Variants in FBXW11 observed in about 807,000 individuals in gnomAD.
FBXW11 encodes F-box/WD repeat-containing protein 11.
In FBXW11, 19 loss-of-function variants were observed where a neutral mutation model predicts 77.6. The ratio of observed to expected loss-of-function variants is 0.24; its 90% CI spans 0.17 to 0.36. FBXW11 has a LOEUF of 0.36. Ranked by LOEUF, FBXW11 falls within the 10% of genes least tolerant of loss-of-function variation. The pLI is 1.00. For missense variants in FBXW11, 334 were observed against 704.2 expected (o/e 0.47, Z 5.95); for synonymous variants, 235 against 249.4 (o/e 0.94, Z 0.54).
rs34663550 is a variant in FBXW11, at chr5:171,882,707, C to CTT, written c.853-4580_853-4579dup. On this transcript the variant is annotated intron_variant, in intron 7 of 13. Coordinates refer to ENST00000517395, the MANE Select transcript of FBXW11 (RefSeq NM_001378974.1). ...AAGTATTTAGGAATTTTTCCAGCTT[C>CTT]TTTTTTTTACTGATTTCTAGTTTAT... 6.3e-4 allele frequency among the ~76,000 whole-genome samples: 96 copies of CTT among 151,826 alleles called. 1 individual carries two copies. The highest frequency in any genetic ancestry group is 1.0e-3 in the South Asian group (5 of 4,800).
Position 171,872,856 on chromosome 5 carries a change from A to T in FBXW11, c.1340+16T>A, listed in dbSNP as rs1757841568. ...AAAAATCAGCCTGCTCTGTCAGCAC[A>T]CCAACTTCTACCCACCTAATGGTAT... On this transcript the variant is annotated intron_variant, in intron 10 of 13. Transcript: ENST00000517395. 2 of 1,595,614 alleles carry T rather than the reference A, an allele frequency of 1.3e-6. No homozygotes were observed. Among genetic ancestry groups the T allele is most frequent in the Admixed American group, 3.3e-5 (2 of 59,782 alleles).
At chr5:171,920,824 C>T (rs1351918252) in intron 2 of FBXW11, among the ~76,000 whole-genome samples, 2 of 152,162 alleles carry the variant, frequency 1.3e-5, no homozygotes, top group African/African-American at 4.8e-5. Flanking sequence ...TTTTCATGAA[C>T]ATGGCGACCC....
At chr5:171,916,620 TTTAAAGCAAGC>T (rs1761271204) in intron 2 of FBXW11, among the ~76,000 whole-genome samples, 1 of 152,004 alleles carries the variant, frequency 6.6e-6, no homozygotes, top group Non-Finnish European at 1.5e-5. Flanking sequence ...GACCTAAGAG[TTTAAAGCAAGC>T]AGGTTTCCTC....
intron 1 of FBXW11, among the ~76,000 whole-genome samples, chr5:171,964,884 T>TA (rs1764102039): frequency 6.6e-6 from 1 of 152,240 alleles, no homozygotes; most frequent in Admixed American, 6.5e-5. Flanking sequence ...AATTTGATAG[T>TA]AAACATGTGA....
chr5:171,988,062 TA>T (rs1765539342), intron 1 of FBXW11, among the ~76,000 whole-genome samples: 1 of 152,130 alleles, frequency 6.6e-6, no homozygotes, highest in Non-Finnish European at 1.5e-5. Context: ...TTTGGAAAAT[TA>T]AAAGGCTAAC....
At position 171,930,151 on chromosome 5, in the gene FBXW11, C is replaced by T. The variant is rs536056133; in HGVS notation, c.148-15746G>A. Among the ~76,000 whole-genome samples the T allele has an allele frequency of 3.9e-5, 6 of 152,254 alleles. No homozygotes were observed. The South Asian group carries it at 6.2e-4, about 16-fold the overall frequency. The stretch of plus-strand genomic sequence containing the variant: ...ATTATGTATGAAAATACTTAAAAAG[C>T]GTCCTGCTAGTTCAGAGTTGATTAC... On this transcript the variant is annotated intron_variant, in intron 2 of 13. Transcript: ENST00000517395.
At chr5:171,959,556 CA>C (rs1453774128) in intron 1 of FBXW11, among the ~76,000 whole-genome samples, 2 of 151,820 alleles carry the variant, frequency 1.3e-5, no homozygotes, top group African/African-American at 4.8e-5. Context: ...TTTGTTAAAA[CA>C]GCAACACAGA....
intron 1 of FBXW11, among the ~76,000 whole-genome samples, chr5:171,966,709 T>G (rs1425736102): frequency 6.6e-6 from 1 of 152,220 alleles, no homozygotes; most frequent in Non-Finnish European, 1.5e-5. Context: ...TGGGCCTTTG[T>G]TGGTTAGCAG....
chr5:171,883,100 G>A (rs913219651), intron 7 of FBXW11, among the ~76,000 whole-genome samples: 11 of 152,124 alleles, frequency 7.2e-5, no homozygotes, highest in East Asian at 1.9e-4. Flanking sequence ...CCAAGTCACC[G>A]CAAATGCTGT....
intron 2 of FBXW11, among the ~76,000 whole-genome samples, chr5:171,934,977 G>C (rs1487723546): frequency 2.0e-5 from 3 of 149,294 alleles, no homozygotes; most frequent in Non-Finnish European, 4.4e-5. Context: ...TTTTGTTTTT[G>C]AGACGGAGTC....
chr5:171,915,689 AACAC>A (rs1761185289), intron 2 of FBXW11, among the ~76,000 whole-genome samples: 1 of 142,858 alleles, frequency 7.0e-6, no homozygotes, highest in East Asian at 2.2e-4. Context: ...AACAAATACA[AACAC>A]ACAGAGTTGT....
chr5:171,888,703 G>A (rs1231630932), intron 7 of FBXW11, among the ~76,000 whole-genome samples: 2 of 152,188 alleles, frequency 1.3e-5, no homozygotes, highest in African/African-American at 2.4e-5. Flanking sequence ...AACAATCTCA[G>A]GGGACTGGAC....
At chr5:171,920,813 A>G (rs1761551384) in intron 2 of FBXW11, among the ~76,000 whole-genome samples, 1 of 152,172 alleles carries the variant, frequency 6.6e-6, no homozygotes, top group Non-Finnish European at 1.5e-5. Flanking sequence ...TTATCTGTGC[A>G]TTTTCATGAA....
At chr5:171,976,043 G>A (rs1303232824) in intron 1 of FBXW11, among the ~76,000 whole-genome samples, 2 of 152,084 alleles carry the variant, frequency 1.3e-5, no homozygotes, top group African/African-American at 2.4e-5. Flanking sequence ...TAAAACACAT[G>A]AGGATGGAAG....
At chr5:171,928,795 G>A (rs577567273) in intron 2 of FBXW11, among the ~76,000 whole-genome samples, 4 of 152,302 alleles carry the variant, frequency 2.6e-5, no homozygotes, top group African/African-American at 4.8e-5. Context: ...AATTTGAGCC[G>A]GGCACAGTGG....
chr5:171,945,362 T>C (rs1324800940), intron 2 of FBXW11, among the ~76,000 whole-genome samples: 3 of 152,226 alleles, frequency 2.0e-5, no homozygotes, highest in African/African-American at 7.2e-5. Context: ...GTTTCTACTT[T>C]AAGAGGCAGT....
chr5:171,880,784 C>G (rs1036448731), intron 7 of FBXW11, among the ~76,000 whole-genome samples: 9 of 152,144 alleles, frequency 5.9e-5, no homozygotes, highest in Non-Finnish European at 8.8e-5. Flanking sequence ...GCAACCTCCG[C>G]CTCCCAAGTT....
intron 2 of FBXW11, among the ~76,000 whole-genome samples, chr5:171,928,303 A>G (rs1213227995): frequency 6.6e-6 from 1 of 152,236 alleles, no homozygotes; most frequent in East Asian, 1.9e-4. Context: ...AAGACTTAAT[A>G]TTAAGATCTT....
intron 7 of FBXW11, among the ~76,000 whole-genome samples, chr5:171,890,782 A>T (rs113700329): frequency 0.023 from 3,513 of 152,266 alleles, 130 homozygotes; most frequent in African/African-American, 0.08. Flanking sequence ...CCAGGATAAG[A>T]AACGGGCAGG....
Sources: gnomAD v4.1 joint callset for allele counts (sites outside exome capture counted in the v4.1 genomes callset) on GRCh38, gnomAD v4.1.1 for gene constraint, MANE v1.5 for transcripts, NCBI Gene and HGNC (gene_info 2026-07-23, HGNC 2026-07-21) for gene names.